Variants in TBK1 observed in about 807,000 individuals in gnomAD.
The protein encoded by TBK1 is serine/threonine-protein kinase TBK1.
TBK1 carries 37 observed loss-of-function variants against 99.9 expected under a neutral mutation model. The observed-to-expected ratio is 0.37, with a 90% CI of 0.28 to 0.49. The LOEUF (loss-of-function observed/expected upper bound fraction) is 0.49. TBK1 is among the 20% of genes least tolerant of loss of function. The pLI is 0.98. For missense variants in TBK1, 644 were observed against 872.5 expected, an observed-to-expected ratio of 0.74 and a Z score of 3.30; for synonymous variants, 258 against 279.8, an observed-to-expected ratio of 0.92 and a Z score of 0.78.
At chr12:64,488,829 TAAA>T (rs1025218196) in intron 12 of TBK1, among the ~76,000 whole-genome samples, 2 of 152,066 alleles carry the variant, frequency 1.3e-5, no homozygotes, top group Non-Finnish European at 2.9e-5. Context: ...CCGTCTCTAC[TAAA>T]AATACAAACA....
intron 13 of TBK1, among the ~76,000 whole-genome samples, chr12:64,493,353 G>A (rs932294199): frequency 1.3e-5 from 2 of 149,620 alleles, no homozygotes; most frequent in African/African-American, 2.5e-5. Flanking sequence ...GCCACAGGTC[G>A]CAGTGGTTCA....
Position 64,496,245 on chromosome 12 carries a change from C to T in TBK1, c.1721-122C>T, listed in dbSNP as rs562288608. On this transcript the variant is annotated intron_variant, in intron 15 of 20. Transcript: ENST00000331710. ...TGGGCCATAAGTAACCAATGAGCCA[C>T]AAATCTATGACATCTGCTTCAGACT... 3.4e-4 allele frequency: 146 copies of T among 429,650 alleles called. No homozygotes were observed. In the Middle Eastern group the frequency reaches 8.2e-3, roughly 24 times the overall value. The allele number at this position is 429,650 out of a possible 1,614,324, so 26.6% of individuals were successfully genotyped here.
intron 5 of TBK1, among the ~76,000 whole-genome samples, chr12:64,470,748 A>T (rs1180556411): frequency 1.3e-5 from 2 of 152,184 alleles, no homozygotes; most frequent in South Asian, 2.1e-4. Flanking sequence ...CGCCTTTTCC[A>T]ATCATGATAA....
chr12:64,499,975 C>T (rs1048521908), intron 20 of TBK1, among the ~76,000 whole-genome samples: 1 of 152,002 alleles, frequency 6.6e-6, no homozygotes, highest in South Asian at 2.1e-4. Flanking sequence ...AGACTACAGG[C>T]GTGAGCCACC....
chr12:64,474,099 C>A, intron 5 of TBK1, 131 bp from the exon 6 acceptor site: 1 of 859,642 alleles, frequency 1.2e-6, no homozygotes, highest in South Asian at 1.9e-5. Flanking sequence ...GTGAAATAGT[C>A]TTTTCAGATT....
rs755788542 is a variant in TBK1 at position 64,490,054 on chromosome 12, A to G, written c.1456A>G (p.Met486Val). 1.9e-6 allele frequency: 3 copies of G among 1,608,938 alleles called. No homozygotes were observed. Among genetic ancestry groups the G allele is most frequent in the Non-Finnish European group, 2.5e-6 (3 of 1,177,396 alleles). The part of the protein sequence containing the change: ...EKTVKVYEKL[M>V]KINLEAAELG... ...CTTTTCATACAGATATGAAAAGTTG[A>G]TGAAGATCAACCTGGAAGCGGCAGA... Residue 486 changes from methionine to valine, a missense_variant, in exon 13 of 21, where the codon ATG becomes GTG. Physicochemically the swap from Met to Val is conservative, Grantham distance 21. Transcript: ENST00000331710.
In TBK1 at chr12:64,488,568, C is replaced by T. The variant is rs747788401; in HGVS notation, c.1422C>T (p.Asn474=). 5.6e-6 allele frequency: 9 copies of T among 1,601,512 alleles called. No homozygotes were observed. The highest frequency in any genetic ancestry group is 5.2e-5 in the Admixed American group (3 of 58,236). ...VVITLDFCIR[N]IEKTVKVYEK... is the part of the protein sequence containing the mutation. The stretch of plus-strand genomic sequence containing the variant: ...TCACATTGGATTTCTGTATCAGAAA[C>T]ATTGAAAAAACTGTGAAAGTGTGAG... Residue 474 remains asparagine, a synonymous_variant, in exon 12 of 21, where the codon AAC becomes AAT. Coordinates refer to ENST00000331710, the MANE Select transcript of TBK1 (RefSeq NM_013254.4).
chr12:64,468,232 T>C (rs1016411933), intron 5 of TBK1, among the ~76,000 whole-genome samples: 2 of 152,122 alleles, frequency 1.3e-5, no homozygotes, highest in South Asian at 2.1e-4. Context: ...TGGTGGCTCA[T>C]GCCTGTAATC....
chr12:64,476,962 A>G (rs764031310), intron 6 of TBK1, among the ~76,000 whole-genome samples: 1 of 152,106 alleles, frequency 6.6e-6, no homozygotes, highest in African/African-American at 2.4e-5. Context: ...AACTTTGTCA[A>G]AGATATGTTG....
chr12:64,459,310 A>G (rs1401606899), intron 2 of TBK1, among the ~76,000 whole-genome samples: 1 of 152,232 alleles, frequency 6.6e-6, no homozygotes, highest in Non-Finnish European at 1.5e-5. Flanking sequence ...AGTGATTGGA[A>G]GGAAGTGAGA....
intron 4 of TBK1, 106 bp from the exon 5 acceptor site, chr12:64,466,795 G>A: frequency 1.2e-6 from 1 of 868,610 alleles, no homozygotes; most frequent in South Asian, 4.7e-5. Context: ...ACCAAATTAT[G>A]GAAAAATTTA....
chr12:64,492,964 C>T lies in TBK1; in HGVS notation c.1522-2519C>T, dbSNP rs562621333. Among the ~76,000 whole-genome samples the T allele has an allele frequency of 7.7e-4, 115 of 148,634 alleles. 1 individual carries two copies. Among genetic ancestry groups the T allele is most frequent in the Non-Finnish European group, 1.5e-3 (99 of 67,310 alleles). ...AGGCTGGAGTGCAGTGGTACAGTCTCGGCTCACCACAAGCTCCGCCTCCTG... is the reference window on the plus strand; with the variant it reads ...AGGCTGGAGTGCAGTGGTACAGTCTTGGCTCACCACAAGCTCCGCCTCCTG... On this transcript the variant is annotated intron_variant, in intron 13 of 20. Coordinates refer to ENST00000331710, the MANE Select transcript of TBK1 (RefSeq NM_013254.4).
At chr12:64,474,122 T>G in intron 5 of TBK1, 108 bp from the exon 6 acceptor site, 1 of 1,091,076 alleles carries the variant, frequency 9.2e-7, no homozygotes, top group Non-Finnish European at 1.3e-6. Flanking sequence ...GAAAGTGAAG[T>G]TATTAGGAAA....
rs184710549 is a variant in TBK1, at chr12:64,456,829, A to T, written c.87+872A>T. Among the ~76,000 whole-genome samples, 281 of 151,146 alleles carry T rather than the reference A, an allele frequency of 1.9e-3. 1 individual carries two copies. Among genetic ancestry groups the T allele is most frequent in the Non-Finnish European group, 2.8e-3 (193 of 67,778 alleles). On this transcript the variant is annotated intron_variant, in intron 2 of 20. Transcript: ENST00000331710. ...TGCACTCCAGCCTGGGTGACAGAGC[A>T]AGACTCAATTAAAAAAAAAAAAAAA...
chr12:64,494,402 C>G (rs568961121), intron 13 of TBK1, among the ~76,000 whole-genome samples: 133 of 152,218 alleles, frequency 8.7e-4, no homozygotes, highest in Non-Finnish European at 1.8e-3. Context: ...ATGGCTTGAA[C>G]TCAGGAGGCA....
At chr12:64,452,606 T>C (rs1320872190) in intron 1 of TBK1, 1 of 152,186 alleles carries the variant, frequency 6.6e-6, no homozygotes, top group Non-Finnish European at 1.5e-5. Flanking sequence ...CTACCCTCTT[T>C]CCGAGCGTCG....
intron 8 of TBK1, among the ~76,000 whole-genome samples, chr12:64,483,136 T>A (rs929163685): frequency 1.3e-5 from 2 of 152,220 alleles, no homozygotes; most frequent in Non-Finnish European, 2.9e-5. Context: ...CATTTTAAAA[T>A]AGCTAAAAAA....
At chr12:64,463,462 G>A (rs2040570512) in intron 3 of TBK1, among the ~76,000 whole-genome samples, 1 of 151,928 alleles carries the variant, frequency 6.6e-6, no homozygotes, top group Non-Finnish European at 1.5e-5. Context: ...ACTTTGGGAG[G>A]TTGAGGCAGG....
At chr12:64,466,598 C>T (rs986002320) in intron 4 of TBK1, among the ~76,000 whole-genome samples, 1 of 151,874 alleles carries the variant, frequency 6.6e-6, no homozygotes. Context: ...ATATATATAA[C>T]CAAAGTAATT....
Sources: allele counts gnomAD v4.1 joint callset (sites outside exome capture counted in the v4.1 genomes callset), GRCh38; gene constraint gnomAD v4.1.1; transcripts MANE v1.5; gene names NCBI Gene and HGNC (gene_info 2026-07-23, HGNC 2026-07-21).